ADGRD1: variants seen among roughly 807,000 people sequenced by gnomAD.
The protein encoded by ADGRD1 is adhesion G protein-coupled receptor D1, also known as G-protein coupled receptor 133.
A neutral mutation model predicts 113.4 loss-of-function variants in ADGRD1; 77 were observed. That is an observed-to-expected ratio of 0.68 (90% CI 0.57 to 0.82). The LOEUF is 0.82. Among genes scored for constraint, ADGRD1 ranks in the 40% least tolerant of loss-of-function variants. The probability of loss-of-function intolerance (pLI) is 0.00; values close to 1 mark genes in which losing one functional copy is unlikely to be tolerated. For missense variants in ADGRD1, 1,036 were observed against 1,139.1 expected (o/e 0.91, Z 1.30); for synonymous variants, 474 against 475.0 (o/e 1.00, Z 0.03).
intron 20 of ADGRD1, among the ~76,000 whole-genome samples, chr12:131,127,816 G>A (rs1950780312): frequency 7.1e-6 from 1 of 140,500 alleles, no homozygotes; most frequent in Non-Finnish European, 1.5e-5. Context: ...CAGGTGAGGT[G>A]TTGGTTGTGT....
chr12:130,979,181 A>G (rs10219597), intron 4 of ADGRD1, among the ~76,000 whole-genome samples: 126,786 of 152,084 alleles, frequency 0.83, 53,645 homozygotes, highest in East Asian at 0.95. Flanking sequence ...GCACTCGGGA[A>G]GGCTGTTTTC....
chr12:131,122,880 C>G (rs1950633092), intron 20 of ADGRD1, among the ~76,000 whole-genome samples: 1 of 152,070 alleles, frequency 6.6e-6, no homozygotes, highest in African/African-American at 2.4e-5. Context: ...ACCCAGCACC[C>G]CTGTGTCTCC....
chr12:131,033,858 T>G (rs1241667747), intron 13 of ADGRD1, among the ~76,000 whole-genome samples: 1 of 152,132 alleles, frequency 6.6e-6, no homozygotes, highest in Non-Finnish European at 1.5e-5. Context: ...ACACGTGGTA[T>G]CTGCAGGATC....
At chr12:131,068,424 G>A (rs1884895607) in intron 13 of ADGRD1, among the ~76,000 whole-genome samples, 1 of 152,190 alleles carries the variant, frequency 6.6e-6, no homozygotes, top group Non-Finnish European at 1.5e-5. Flanking sequence ...ACAGAGGGGC[G>A]GGGAGGGAAG....
chr12:131,064,913 AAATT>A (rs1267377884), intron 13 of ADGRD1, among the ~76,000 whole-genome samples: 1 of 152,198 alleles, frequency 6.6e-6, no homozygotes, highest in Non-Finnish European at 1.5e-5. Flanking sequence ...ATAGATGTGT[AAATT>A]AATTCCATCA....
chr12:130,966,575 TG>T lies in ADGRD1; in HGVS notation c.187+32del. On this transcript the variant is annotated intron_variant, in intron 3 of 24. Transcript: ENST00000261654. This position sits in a 1 kb window ranked among gnomAD's most constrained non-coding sequence, Gnocchi z 4.6. ...GAGACGCGGGTGCTGAGAGCGGCTG[TG>T]GGCGCGGGAATCCCAGGGCCATCAG... 7.0e-7 allele frequency: 1 copy of T among 1,429,588 alleles called. No homozygotes were observed. The highest frequency in any genetic ancestry group is 9.9e-7 in the Non-Finnish European group (1 of 1,012,070). The allele number at this position is 1,429,588 out of a possible 1,614,324, so 88.6% of individuals were successfully genotyped here.
intron 17 of ADGRD1, among the ~76,000 whole-genome samples, chr12:131,108,360 T>A (rs1399992481): frequency 1.3e-5 from 2 of 152,108 alleles, no homozygotes; most frequent in Non-Finnish European, 2.9e-5. Flanking sequence ...GGGAAACTCT[T>A]CCATAGTCCC....
At chr12:130,955,037 G>A (rs190241844) in intron 2 of ADGRD1, among the ~76,000 whole-genome samples, 44 of 150,820 alleles carry the variant, frequency 2.9e-4, no homozygotes, top group Non-Finnish European at 5.7e-4. Flanking sequence ...TGCAGTGGCC[G>A]CAACCTCTGC....
chr12:130,995,950 T>G (rs12304946), intron 8 of ADGRD1, among the ~76,000 whole-genome samples: 4,570 of 148,568 alleles, frequency 0.031, 110 homozygotes, highest in African/African-American at 0.067. Context: ...GTGTCCCTGA[T>G]TACTTGAGAT....
chr12:131,033,201 G>T (rs1407905180), intron 13 of ADGRD1, among the ~76,000 whole-genome samples: 4 of 150,188 alleles, frequency 2.7e-5, no homozygotes, highest in Non-Finnish European at 5.9e-5. Context: ...GGGCAGGGCC[G>T]TTGGGTGGGT....
chr12:131,002,789 C>T (rs1221840296), intron 9 of ADGRD1: 1 of 1,240,004 alleles, frequency 8.1e-7, no homozygotes, highest in Non-Finnish European at 1.0e-6. Context: ...TGTCCCCATC[C>T]CAGAGTGGAC....
chr12:131,005,490 C>T (rs1490369393), intron 11 of ADGRD1, among the ~76,000 whole-genome samples: 1 of 152,220 alleles, frequency 6.6e-6, no homozygotes, highest in Non-Finnish European at 1.5e-5. Flanking sequence ...TGGCTGCTGC[C>T]CCCTTGAAAA....
intron 9 of ADGRD1, 71 bp downstream of exon 9, chr12:131,000,513 G>C: frequency 8.2e-7 from 1 of 1,213,774 alleles, no homozygotes; most frequent in Non-Finnish European, 1.2e-6. Context: ...AGGCCAAGGC[G>C]GGTGGATCAC....
intron 2 of ADGRD1, among the ~76,000 whole-genome samples, chr12:130,964,297 C>G (rs907571927): frequency 2.0e-5 from 3 of 151,640 alleles, no homozygotes; most frequent in South Asian, 2.1e-4. Flanking sequence ...GGAAATTGTT[C>G]TGGTATAAAG....
chr12:131,024,115 G>A (rs1055673402), intron 13 of ADGRD1: 3 of 152,244 alleles, frequency 2.0e-5, no homozygotes, highest in African/African-American at 7.2e-5. Flanking sequence ...TAATGGTTTT[G>A]GGAGAGGCAA....
At chr12:131,046,252 T>A (rs1488993470) in intron 13 of ADGRD1, among the ~76,000 whole-genome samples, 58 of 141,130 alleles carry the variant, frequency 4.1e-4, no homozygotes, top group African/African-American at 1.5e-3. Context: ...CTGGTCAGTG[T>A]CCTCCTGGTC....
rs1289651533 is a variant in ADGRD1 at position 130,965,431 on chromosome 12, T to C, written c.104-1032T>C. Reference sequence around the variant, plus strand: ...AACATAGAGACTATTAGTCTGTCCTTTTCTATGATCTAGCAGTCGCTTGGG... The same window carrying C: ...AACATAGAGACTATTAGTCTGTCCTCTTCTATGATCTAGCAGTCGCTTGGG... On this transcript the variant is annotated intron_variant, in intron 2 of 24. Transcript: ENST00000261654. The surrounding 1 kb of genome is among the most constrained non-coding windows in gnomAD (Gnocchi z 4.8). 1.3e-5 allele frequency among the ~76,000 whole-genome samples: 2 copies of C among 152,242 alleles called. No individual in the cohort carries two copies. The highest frequency in any genetic ancestry group is 2.9e-5 in the Non-Finnish European group (2 of 68,036).
intron 13 of ADGRD1, among the ~76,000 whole-genome samples, chr12:131,043,155 C>T (rs1882316145): frequency 6.6e-6 from 1 of 152,186 alleles, no homozygotes; most frequent in Non-Finnish European, 1.5e-5. Flanking sequence ...AGGCCAGGGT[C>T]CTGTGCACCC....
chr12:131,127,257 A>G (rs1000536842), intron 20 of ADGRD1, among the ~76,000 whole-genome samples: 2 of 152,394 alleles, frequency 1.3e-5, no homozygotes, highest in East Asian at 1.9e-4. Flanking sequence ...AAAGTAAAGG[A>G]CTTGAAATCT....
Sources: allele counts gnomAD v4.1 joint callset (sites outside exome capture counted in the v4.1 genomes callset), GRCh38; gene constraint gnomAD v4.1.1; non-coding constraint Gnocchi (gnomAD v3.1); transcripts MANE v1.5; gene names NCBI Gene and HGNC (gene_info 2026-07-23, HGNC 2026-07-21).